Variants in ETV6 observed in about 807,000 individuals in gnomAD.
ETV6 encodes transcription factor ETV6.
A neutral mutation model predicts 51.1 loss-of-function variants in ETV6; 16 were observed. The observed-to-expected ratio is 0.31, with a 90% CI of 0.21 to 0.48. The LOEUF (loss-of-function observed/expected upper bound fraction) is 0.48. Among genes scored for constraint, ETV6 ranks in the 20% least tolerant of loss-of-function variants. The probability of loss-of-function intolerance (pLI) is 0.99; values close to 1 mark genes in which losing one functional copy is unlikely to be tolerated. For missense variants in ETV6, 458 were observed against 594.8 expected (o/e 0.77, Z 2.39); for synonymous variants, 240 against 224.1 (o/e 1.07, Z -0.64).
chr12:11,655,919 TA>T (rs1281963860), intron 1 of ETV6, among the ~76,000 whole-genome samples: 4 of 152,232 alleles, frequency 2.6e-5, no homozygotes, highest in African/African-American at 9.6e-5. Context: ...AAATTCTCTG[TA>T]ATTAAAGGTG....
chr12:11,808,966 C>T (rs879478933), intron 2 of ETV6, among the ~76,000 whole-genome samples: 25 of 152,066 alleles, frequency 1.6e-4, no homozygotes, highest in Admixed American at 6.6e-4. Flanking sequence ...GAGTTGGAGA[C>T]GAGCCTGGCC....
intron 1 of ETV6, among the ~76,000 whole-genome samples, chr12:11,691,814 A>G (rs893804648): frequency 1.9e-4 from 29 of 152,196 alleles, no homozygotes; most frequent in Admixed American, 1.7e-3. Flanking sequence ...AAATATATTC[A>G]TGTATGTATA....
At chr12:11,767,193 A>G (rs1451395040) in intron 2 of ETV6, among the ~76,000 whole-genome samples, 1 of 152,180 alleles carries the variant, frequency 6.6e-6, no homozygotes, top group Admixed American at 6.5e-5. Context: ...CAGCAATGTA[A>G]CCTTGAACAA....
chr12:11,750,792 C>CTTTTTTTTTTTTTTTTTTTG, intron 1 of ETV6: 1 of 361,496 alleles, frequency 2.8e-6, no homozygotes, highest in Non-Finnish European at 5.0e-6. Context: ...TATGTGTGGG[C>CTTTTTTTTTTTTTTTTTTTG]TTTTTTTTTT....
intron 1 of ETV6, among the ~76,000 whole-genome samples, chr12:11,692,410 G>C (rs567677843): frequency 3.9e-5 from 6 of 152,084 alleles, no homozygotes; most frequent in Non-Finnish European, 8.8e-5. Flanking sequence ...TAGGGATTTG[G>C]TTATAAGCAA....
chr12:11,736,287 C>G (rs1168194381), intron 1 of ETV6, among the ~76,000 whole-genome samples: 1 of 152,170 alleles, frequency 6.6e-6, no homozygotes, highest in African/African-American at 2.4e-5. Flanking sequence ...TGGAGCAGGG[C>G]AGTCTTAAAA....
intron 1 of ETV6, among the ~76,000 whole-genome samples, chr12:11,698,628 T>G (rs900081181): frequency 6.6e-6 from 1 of 152,236 alleles, no homozygotes; most frequent in African/African-American, 2.4e-5. Context: ...GTTTAATGTT[T>G]TCCTGTAGCT....
chr12:11,858,382 A>T (rs938699504), intron 4 of ETV6, among the ~76,000 whole-genome samples: 2 of 137,048 alleles, frequency 1.5e-5, no homozygotes, highest in Non-Finnish European at 3.3e-5. Flanking sequence ...TTTGGGTTTT[A>T]TCCCCTTAAA....
At chr12:11,721,728 T>A (rs1865391503) in intron 1 of ETV6, among the ~76,000 whole-genome samples, 1 of 152,234 alleles carries the variant, frequency 6.6e-6, no homozygotes, top group African/African-American at 2.4e-5. Context: ...TCCTAAATTG[T>A]TCTAGAATTA....
At chr12:11,705,955 A>G (rs1865065754) in intron 1 of ETV6, among the ~76,000 whole-genome samples, 1 of 152,208 alleles carries the variant, frequency 6.6e-6, no homozygotes, top group Non-Finnish European at 1.5e-5. Context: ...TCCTTTTGAG[A>G]GACTTATTGT....
intron 5 of ETV6, among the ~76,000 whole-genome samples, chr12:11,883,314 G>C (rs1417540956): frequency 4.0e-5 from 2 of 50,242 alleles, no homozygotes; most frequent in Non-Finnish European, 6.5e-5. Context: ...TTTTTTTTGA[G>C]ACTGAGTCTC....
intron 1 of ETV6, among the ~76,000 whole-genome samples, chr12:11,726,137 T>C (rs182104797): frequency 1.3e-3 from 205 of 152,322 alleles, no homozygotes; most frequent in Non-Finnish European, 2.2e-3. Flanking sequence ...GAAATGTTTA[T>C]GTACTCTAGA....
intron 1 of ETV6, chr12:11,750,811 T>TTG: frequency 2.3e-6 from 1 of 428,532 alleles, no homozygotes; most frequent in East Asian, 6.2e-5. Context: ...TTTTTTTTTT[T>TTG]TTTTTTGCTT....
intron 1 of ETV6, among the ~76,000 whole-genome samples, chr12:11,719,872 G>C (rs536297598): frequency 1.1e-4 from 16 of 152,314 alleles, no homozygotes; most frequent in Admixed American, 6.5e-5. Flanking sequence ...ACTGAGATAG[G>C]AAGCGGTCCT....
chr12:11,876,806 G>A (rs1946992439), intron 5 of ETV6, among the ~76,000 whole-genome samples: 1 of 152,106 alleles, frequency 6.6e-6, no homozygotes, highest in Non-Finnish European at 1.5e-5. Flanking sequence ...TGAGGCTATC[G>A]CTGGTCAGTT....
intron 1 of ETV6, among the ~76,000 whole-genome samples, chr12:11,685,584 A>G (rs548389544): frequency 1.3e-5 from 2 of 152,144 alleles, no homozygotes; most frequent in Admixed American, 6.5e-5. Flanking sequence ...CAAATGTACA[A>G]AAACCAGCAA....
intron 2 of ETV6, among the ~76,000 whole-genome samples, chr12:11,762,246 A>G (rs1253192043): frequency 6.6e-6 from 1 of 152,200 alleles, no homozygotes; most frequent in Non-Finnish European, 1.5e-5. Flanking sequence ...CTGTTCTCAT[A>G]GCCCCCTTTC....
chr12:11,748,911 T>C (rs1249215934), intron 1 of ETV6, among the ~76,000 whole-genome samples: 1 of 152,214 alleles, frequency 6.6e-6, no homozygotes, highest in East Asian at 1.9e-4. Flanking sequence ...CTTTCTATAA[T>C]GGTTGGTGAA....
chr12:11,703,360 T>C (rs1329376638), intron 1 of ETV6, among the ~76,000 whole-genome samples: 2 of 152,054 alleles, frequency 1.3e-5, no homozygotes, highest in Non-Finnish European at 1.5e-5. Flanking sequence ...TGTATAAATA[T>C]AGAAGATGAA....
Sources: allele counts gnomAD v4.1 joint callset (sites outside exome capture counted in the v4.1 genomes callset), GRCh38; gene constraint gnomAD v4.1.1; transcripts MANE v1.5; gene names NCBI Gene and HGNC (gene_info 2026-07-23, HGNC 2026-07-21).